The following SYT9 variants were observed in gnomAD, a reference collection of about 807,000 sequenced individuals.
SYT9 encodes the protein synaptotagmin 9.
Under a neutral mutation model 48.4 loss-of-function variants are expected in SYT9, and 22 were observed. The observed-to-expected ratio is 0.45, with a 90% CI of 0.32 to 0.65. SYT9 has a LOEUF of 0.65. SYT9 is among the 30% of genes least tolerant of loss of function. The pLI, the probability that SYT9 is intolerant of heterozygous loss-of-function variation, is 0.03. For missense variants in SYT9, 577 were observed against 622.0 expected (o/e 0.93, Z 0.77); for synonymous variants, 265 against 245.0 (o/e 1.08, Z -0.76).
At position 7,467,155 on chromosome 11, in the gene SYT9, T is replaced by C. The variant is rs1848352552; in HGVS notation, c.*355T>C. The stretch of plus-strand genomic sequence containing the variant: ...GGTGATGAGGACATAGCATCTGCCC[T>C]GGAAATCGTTATTCCAACATAATAT... On this transcript the variant is annotated 3_prime_UTR_variant, in exon 7 of 7. Transcript: ENST00000318881. The C allele has an allele frequency of 4.0e-6, 1 of 250,952 alleles. No homozygotes were observed. The allele number at this position is 250,952 out of a possible 1,614,324, so 15.5% of individuals were successfully genotyped here.
chr11:7,385,772 C>G (rs952271639), intron 3 of SYT9, among the ~76,000 whole-genome samples: 3 of 152,218 alleles, frequency 2.0e-5, no homozygotes, highest in African/African-American at 7.2e-5. Context: ...TCCAGTCCAT[C>G]CTGGACACTA....
chr11:7,447,990 C>T (rs935645544), intron 6 of SYT9, among the ~76,000 whole-genome samples: 4 of 152,158 alleles, frequency 2.6e-5, no homozygotes, highest in Admixed American at 2.0e-4. Flanking sequence ...GAAGATTGCA[C>T]GTTCAAATGT....
At chr11:7,334,181 T>C (rs1196274308) in intron 3 of SYT9, among the ~76,000 whole-genome samples, 1 of 152,052 alleles carries the variant, frequency 6.6e-6, no homozygotes, top group Non-Finnish European at 1.5e-5. Flanking sequence ...GCAGGGTGGT[T>C]AAAGATAGGG....
intron 6 of SYT9, among the ~76,000 whole-genome samples, chr11:7,448,038 A>G (rs1847969297): frequency 6.6e-6 from 1 of 152,238 alleles, no homozygotes; most frequent in African/African-American, 2.4e-5. Flanking sequence ...CACCCTCACC[A>G]ACAGCATCTC....
intron 3 of SYT9, among the ~76,000 whole-genome samples, chr11:7,331,438 C>G (rs1849529161): frequency 6.6e-6 from 1 of 151,970 alleles, no homozygotes. Flanking sequence ...CACACATTCT[C>G]TACCTATAAT....
intron 3 of SYT9, among the ~76,000 whole-genome samples, chr11:7,328,631 A>G (rs918532464): frequency 1.3e-5 from 2 of 152,260 alleles, no homozygotes; most frequent in Non-Finnish European, 2.9e-5. Flanking sequence ...GCAATTTGAC[A>G]TTATAATTAA....
At chr11:7,270,211 T>A (rs967338937) in intron 1 of SYT9, among the ~76,000 whole-genome samples, 1 of 152,186 alleles carries the variant, frequency 6.6e-6, no homozygotes, top group Non-Finnish European at 1.5e-5. Flanking sequence ...TTTTAAACCA[T>A]GTTGACCTTT....
At chr11:7,348,771 A>AAAATGGGTTT (rs1849852619) in intron 3 of SYT9, among the ~76,000 whole-genome samples, 1 of 117,744 alleles carries the variant, frequency 8.5e-6, no homozygotes, top group Admixed American at 1.2e-4. Flanking sequence ...ATCCCTTTTT[A>AAAATGGGTTT]AAATGGGTTT....
intron 3 of SYT9, among the ~76,000 whole-genome samples, chr11:7,389,378 T>A (rs1850720133): frequency 6.6e-6 from 1 of 152,174 alleles, no homozygotes; most frequent in Non-Finnish European, 1.5e-5. Context: ...AGTTTGCTGA[T>A]ATAAATATAC....
chr11:7,338,358 C>G (rs1849662646), intron 3 of SYT9, among the ~76,000 whole-genome samples: 1 of 152,086 alleles, frequency 6.6e-6, no homozygotes, highest in Non-Finnish European at 1.5e-5. Flanking sequence ...TTCTTCAGTT[C>G]AGCTCTGATT....
At chr11:7,251,667 G>T (rs919057830), upstream of SYT9, among the ~76,000 whole-genome samples, 4 of 152,162 alleles carry the variant, frequency 2.6e-5, no homozygotes, top group Admixed American at 1.3e-4. Flanking sequence ...TTGCATCAGG[G>T]ATGAGGGGTG....
chr11:7,280,539 G>GT (rs1848474743), intron 1 of SYT9, among the ~76,000 whole-genome samples: 1 of 152,162 alleles, frequency 6.6e-6, no homozygotes. Flanking sequence ...CAGCACTATC[G>GT]TAAGACTTTC....
chr11:7,335,035 T>C (rs560631890), intron 3 of SYT9, among the ~76,000 whole-genome samples: 64 of 152,298 alleles, frequency 4.2e-4, no homozygotes, highest in Non-Finnish European at 8.5e-4. Flanking sequence ...TGTCTACCTT[T>C]TGATGAAATT....
intron 3 of SYT9, among the ~76,000 whole-genome samples, chr11:7,332,615 C>G (rs966106506): frequency 1.3e-5 from 2 of 152,182 alleles, no homozygotes; most frequent in African/African-American, 4.8e-5. Context: ...TACTCCTTTC[C>G]TAGGTGAGAG....
chr11:7,429,198 T>C (rs1847520821), intron 6 of SYT9, among the ~76,000 whole-genome samples: 1 of 152,212 alleles, frequency 6.6e-6, no homozygotes, highest in African/African-American at 2.4e-5. Flanking sequence ...GCTCCATCCT[T>C]GTCTCTGGTG....
At chr11:7,410,444 T>C (rs987922283) in intron 3 of SYT9, among the ~76,000 whole-genome samples, 3 of 152,184 alleles carry the variant, frequency 2.0e-5, no homozygotes, top group Non-Finnish European at 4.4e-5. Context: ...GGGTGTTGAA[T>C]TTCCCCAATA....
chr11:7,294,244 G>T (rs1266355855), intron 1 of SYT9, among the ~76,000 whole-genome samples: 1 of 152,030 alleles, frequency 6.6e-6, no homozygotes, highest in East Asian at 1.9e-4. Flanking sequence ...ATATGAATTT[G>T]GGGGGGACAC....
chr11:7,332,431 C>T (rs919883988), intron 3 of SYT9, among the ~76,000 whole-genome samples: 15 of 152,186 alleles, frequency 9.9e-5, no homozygotes, highest in African/African-American at 3.6e-4. Context: ...GATGCACTGG[C>T]TTTGTCAAAG....
At chr11:7,410,303 A>G (rs553932502) in intron 3 of SYT9, among the ~76,000 whole-genome samples, 5 of 152,324 alleles carry the variant, frequency 3.3e-5, no homozygotes, top group African/African-American at 9.6e-5. Flanking sequence ...AGAAGAATGT[A>G]TATTTTACAG....
Sources: allele counts gnomAD v4.1 joint callset (sites outside exome capture counted in the v4.1 genomes callset), GRCh38; gene constraint gnomAD v4.1.1; transcripts MANE v1.5; gene names NCBI Gene and HGNC (gene_info 2026-07-23, HGNC 2026-07-21).